IDI1: variants seen among roughly 807,000 people sequenced by gnomAD.
IDI1 encodes isopentenyl-diphosphate delta isomerase 1, also known as isopentenyl-diphosphate Delta-isomerase 1.
In IDI1, 23 loss-of-function variants were observed where a neutral mutation model predicts 32.9. That is an observed-to-expected ratio of 0.70 (90% confidence interval 0.50 to 0.99). IDI1 has a LOEUF of 0.99. Among genes scored for constraint, IDI1 ranks in the 50% least tolerant of loss-of-function variants. The pLI is 0.00. For missense variants in IDI1, 326 were observed against 351.9 expected, an observed-to-expected ratio of 0.93 and a Z score of 0.59; for synonymous variants, 133 against 128.2, an observed-to-expected ratio of 1.04 and a Z score of -0.25.
At chr10:1,054,024 A>AT (rs1833080598), upstream of IDI1, among the ~76,000 whole-genome samples, 1 of 152,238 alleles carries the variant, frequency 6.6e-6, no homozygotes, top group Non-Finnish European at 1.5e-5. Context: ...TTGCTGTCTT[A>AT]TATAGGGGTG....
intron 1 of IDI1, among the ~76,000 whole-genome samples, chr10:1,045,309 A>G (rs1832767995): frequency 6.6e-6 from 1 of 152,234 alleles, no homozygotes; most frequent in African/African-American, 2.4e-5. Flanking sequence ...GCACCTTTAC[A>G]TAGTCTGACC....
intron 1 of IDI1, among the ~76,000 whole-genome samples, chr10:1,045,516 G>T (rs188276301): frequency 2.6e-5 from 4 of 152,288 alleles, no homozygotes; most frequent in Admixed American, 1.3e-4. Flanking sequence ...GCCCAGGCTG[G>T]AATGCAATGG....
chr10:1,054,187 A>C, the IDI1 span, among the ~76,000 whole-genome samples: 2 of 152,254 alleles, frequency 1.3e-5, no homozygotes, highest in African/African-American at 4.8e-5. Flanking sequence ...GATGGTGCTG[A>C]CAGACTTGCT....
rs1253557756 is a variant in IDI1, at chr10:1,040,631, A to T, written c.*556T>A. ...AATGAATAAACCACACAATCAACTCAGAATGATACAAATTAGGGTCCATAT... is the reference window on the plus strand; with the variant it reads ...AATGAATAAACCACACAATCAACTCTGAATGATACAAATTAGGGTCCATAT... On this transcript the variant is annotated 3_prime_UTR_variant, in exon 5 of 5. Coordinates refer to ENST00000381344, the MANE Select transcript of IDI1 (RefSeq NM_004508.4). 1 of 152,544 alleles carries T rather than the reference A, an allele frequency of 6.6e-6. No individual in the cohort carries two copies. The highest frequency in any genetic ancestry group is 1.5e-5 in the Non-Finnish European group (1 of 68,256). The allele number at this position is 152,544 out of a possible 1,614,324, so 9.4% of individuals were successfully genotyped here. A position where few individuals can be genotyped will look rare whatever the true frequency, so the allele number is the denominator to read the frequency against.
At chr10:1,055,662 GT>G in the IDI1 span, among the ~76,000 whole-genome samples, 1 of 150,480 alleles carries the variant, frequency 6.6e-6, no homozygotes, top group African/African-American at 2.4e-5. Flanking sequence ...TTACAGAATT[GT>G]TTTTAGTGAT....
In IDI1 at chr10:1,041,238, G is replaced by A. The variant is rs369625257; in HGVS notation, c.804C>T (p.Asn268=). The change falls in exon 5 of 5, where the codon AAC becomes AAT. Residue 268 remains asparagine, a synonymous_variant. Coordinates refer to ENST00000381344, the MANE Select transcript of IDI1 (RefSeq NM_004508.4). ...CAACAAACTGATTCAAATGATTTAAGTTATCCCACCATTTAAAGAGAAAAG... is the reference window on the plus strand; with the variant it reads ...CAACAAACTGATTCAAATGATTTAAATTATCCCACCATTTAAAGAGAAAAG... The part of the protein sequence containing the change: ...AATFLFKWWD[N]LNHLNQFVDH... 8.9e-5 allele frequency: 143 copies of A among 1,612,002 alleles called. No homozygotes were observed. The highest frequency in any genetic ancestry group is 1.2e-4 in the Non-Finnish European group (139 of 1,178,522).
chr10:1,048,832 G>A (rs762507346), intron 1 of IDI1, 32 bp downstream of exon 1: 1 of 1,599,142 alleles, frequency 6.3e-7, no homozygotes, highest in South Asian at 1.1e-5. Flanking sequence ...CCCTGCCCCT[G>A]TCTCCCGAAC....
At chr10:1,054,843 G>A in the IDI1 span, among the ~76,000 whole-genome samples, 2 of 152,302 alleles carry the variant, frequency 1.3e-5, no homozygotes, top group East Asian at 3.9e-4. Context: ...TTAAAGTAGC[G>A]TCTACTGTAC....
chr10:1,041,803 TTTC>T (rs1243737761), intron 4 of IDI1, among the ~76,000 whole-genome samples: 6 of 147,516 alleles, frequency 4.1e-5, no homozygotes, highest in East Asian at 3.9e-4. Flanking sequence ...CATTCTTCTT[TTTC>T]TTCTTTTTTT....
At chr10:1,052,819 T>C (rs2131590878), upstream of IDI1, among the ~76,000 whole-genome samples, 1 of 152,306 alleles carries the variant, frequency 6.6e-6, no homozygotes, top group South Asian at 2.1e-4. Context: ...CTAGCAAGGG[T>C]CAGCCTGTCC....
chr10:1,045,198 AACGTAAAGC>A (rs1198061172), intron 1 of IDI1, among the ~76,000 whole-genome samples: 1 of 152,254 alleles, frequency 6.6e-6, no homozygotes, highest in Non-Finnish European at 1.5e-5. Context: ...ATGTGATTAC[AACGTAAAGC>A]ACTTATTAGG....
At chr10:1,048,520 CG>C in intron 1 of IDI1, 1 of 1,267,696 alleles carries the variant, frequency 7.9e-7, no homozygotes, top group Non-Finnish European at 1.0e-6. Context: ...AGGGGAGACT[CG>C]CAACTCTTAG....
chr10:1,050,303 T>C (rs1832968030), upstream of IDI1, among the ~76,000 whole-genome samples: 1 of 152,254 alleles, frequency 6.6e-6, no homozygotes, highest in African/African-American at 2.4e-5. Flanking sequence ...GACAGATCTC[T>C]TTCATGTCTG....
chr10:1,049,372 C>T (rs987171322), upstream of IDI1, among the ~76,000 whole-genome samples: 1 of 151,926 alleles, frequency 6.6e-6, no homozygotes, highest in East Asian at 1.9e-4. Flanking sequence ...CAGCCGGAAG[C>T]TCGGCGTCCC....
At chr10:1,043,121 GTTC>G (rs753534648) in intron 3 of IDI1, among the ~76,000 whole-genome samples, 177 bp downstream of exon 3, 10 of 152,112 alleles carry the variant, frequency 6.6e-5, no homozygotes, top group Non-Finnish European at 1.0e-4. Context: ...TTGCTTACTA[GTTC>G]TTATTTTTTC....
chr10:1,045,667 A>G (rs1832780085), intron 1 of IDI1, among the ~76,000 whole-genome samples: 1 of 152,008 alleles, frequency 6.6e-6, no homozygotes, highest in South Asian at 2.1e-4. Context: ...AAGTCTTGCC[A>G]TGCTGGCCAT....
At chr10:1,051,095 C>T (rs1246903793), upstream of IDI1, among the ~76,000 whole-genome samples, 2 of 152,168 alleles carry the variant, frequency 1.3e-5, no homozygotes, top group East Asian at 3.8e-4. Context: ...ACCTCGAATG[C>T]CTATTTTCCT....
upstream of IDI1, among the ~76,000 whole-genome samples, chr10:1,051,713 A>C (rs1327831855): frequency 6.6e-6 from 1 of 152,202 alleles, no homozygotes; most frequent in Non-Finnish European, 1.5e-5. Flanking sequence ...AATGAGTCAT[A>C]ATCTTTTTGC....
upstream of IDI1, chr10:1,049,121 G>A: frequency 7.9e-6 from 11 of 1,393,260 alleles, no homozygotes; most frequent in Non-Finnish European, 1.0e-5. Context: ...GGGAACCTGA[G>A]CCGTGACCGC....
Sources: allele counts gnomAD v4.1 joint callset (sites outside exome capture counted in the v4.1 genomes callset), GRCh38; gene constraint gnomAD v4.1.1; transcripts MANE v1.5; gene names NCBI Gene and HGNC (gene_info 2026-07-23, HGNC 2026-07-21).